HIP1: variants seen among roughly 807,000 people sequenced by gnomAD.
HIP1 encodes huntingtin-interacting protein 1.
HIP1 carries 65 observed loss-of-function variants against 147.6 expected under a neutral mutation model. That is an observed-to-expected ratio of 0.44 (90% CI 0.36 to 0.54). The LOEUF is 0.54. HIP1 is among the 20% of genes least tolerant of loss of function. The pLI, the probability that HIP1 is intolerant of heterozygous loss-of-function variation, is 0.00. For missense variants in HIP1, 1,061 were observed against 1,299.6 expected (o/e 0.82, Z 2.82); for synonymous variants, 479 against 504.0 (o/e 0.95, Z 0.67).
At chr7:75,594,531 T>A (rs1238056229) in intron 2 of HIP1, among the ~76,000 whole-genome samples, 1 of 152,098 alleles carries the variant, frequency 6.6e-6, no homozygotes, top group Admixed American at 6.6e-5. Context: ...ATCACAGGAC[T>A]CTGGGAGGCC....
At chr7:75,691,529 T>A (rs1800452473) in intron 1 of HIP1, among the ~76,000 whole-genome samples, 2 of 151,330 alleles carry the variant, frequency 1.3e-5, no homozygotes, top group South Asian at 2.1e-4. Context: ...CCGGGCGCGG[T>A]GGCTCATGCC....
At chr7:75,619,226 A>G (rs1264802960) in intron 1 of HIP1, among the ~76,000 whole-genome samples, 1 of 152,136 alleles carries the variant, frequency 6.6e-6, no homozygotes, top group East Asian at 1.9e-4. Flanking sequence ...AAATTCAGCT[A>G]AAAGTAAAAA....
intron 1 of HIP1, among the ~76,000 whole-genome samples, chr7:75,621,683 C>T (rs1741263771): frequency 6.6e-6 from 1 of 152,152 alleles, no homozygotes; most frequent in Non-Finnish European, 1.5e-5. Context: ...CTGCTGCCTT[C>T]AATCAGGACA....
At position 75,592,525 on chromosome 7, in the gene HIP1, G is replaced by C. The variant is rs782602232; in HGVS notation, c.185-11C>G. ...TGCCCAGTATGCACGGTGAGGGGGG[G>C]TTATGGAAAACAACGGATGGGCTCT... On this transcript the variant is annotated splice_polypyrimidine_tract_variant and intron_variant, in intron 2 of 30. Coordinates refer to ENST00000336926, the MANE Select transcript of HIP1 (RefSeq NM_005338.7). 3 of 1,607,392 alleles carry C rather than the reference G, an allele frequency of 1.9e-6. No individual in the cohort carries two copies. The highest frequency in any genetic ancestry group is 2.5e-6 in the Non-Finnish European group (3 of 1,178,536).
intron 27 of HIP1, among the ~76,000 whole-genome samples, chr7:75,544,412 C>A (rs1325021361): frequency 0.02 from 606 of 30,238 alleles, 3 homozygotes; most frequent in African/African-American, 0.092. Flanking sequence ...GCCAAGTACT[C>A]TCTAACCTAG....
chr7:75,637,588 AAAG>A (rs1474647266), intron 1 of HIP1, among the ~76,000 whole-genome samples: 1 of 133,048 alleles, frequency 7.5e-6, no homozygotes, highest in Non-Finnish European at 1.6e-5. Flanking sequence ...ATACATGCCC[AAAG>A]AAAGCGAGAT....
rs530236811 is a variant in HIP1 at position 75,732,299 on chromosome 7, G to A, written c.120+6502C>T. ...TCTAGGATCTAAGGCTCTTCTCAAC[G>A]CAGGATGCATTAAGATCCTTTGCTC... On this transcript the variant is annotated intron_variant, in intron 1 of 30. Coordinates refer to ENST00000336926, the MANE Select transcript of HIP1 (RefSeq NM_005338.7). Among the ~76,000 whole-genome samples, 117 of 152,170 alleles carry A rather than the reference G, an allele frequency of 7.7e-4. 1 individual carries two copies. The highest frequency in any genetic ancestry group is 2.7e-3 in the African/African-American group (111 of 41,538).
intron 1 of HIP1, among the ~76,000 whole-genome samples, chr7:75,671,898 C>T (rs1409989972): frequency 6.6e-6 from 1 of 152,104 alleles, no homozygotes; most frequent in Non-Finnish European, 1.5e-5. Flanking sequence ...CCATGCCTGG[C>T]TAATTTTTGA....
Position 75,610,297 on chromosome 7 carries a change from C to T in HIP1, c.121-11050G>A, listed in dbSNP as rs587661901. Among the ~76,000 whole-genome samples, 9 of 150,750 alleles carry T rather than the reference C, an allele frequency of 6.0e-5. No homozygotes were observed. In the South Asian group the frequency reaches 1.5e-3, roughly 25 times the overall value. On this transcript the variant is annotated intron_variant, in intron 1 of 30. Coordinates refer to ENST00000336926, the MANE Select transcript of HIP1 (RefSeq NM_005338.7). ...GATTATAGCTCACTGCAGCCTTGAA[C>T]GCCTGTGCTCAAGTGATCCTCCAGC...
chr7:75,714,983 G>A (rs1801272076), intron 1 of HIP1, among the ~76,000 whole-genome samples: 1 of 152,136 alleles, frequency 6.6e-6, no homozygotes, highest in Non-Finnish European at 1.5e-5. Context: ...GCTCTTTCAT[G>A]ACCTTCACAC....
chr7:75,621,734 G>A (rs975593496), intron 1 of HIP1, among the ~76,000 whole-genome samples: 22 of 152,118 alleles, frequency 1.4e-4, no homozygotes, highest in Admixed American at 2.0e-4. Flanking sequence ...AGACGTGGTC[G>A]GTCTCTGAAT....
At chr7:75,562,453 T>A (rs1368924783) in intron 11 of HIP1, among the ~76,000 whole-genome samples, 1 of 152,148 alleles carries the variant, frequency 6.6e-6, no homozygotes, top group Admixed American at 6.6e-5. Context: ...CATACCTGGA[T>A]AATTTTTTTA....
Position 75,555,400 on chromosome 7 carries a change from G to A in HIP1, c.1963+16C>T. 3 of 1,612,998 alleles carry A rather than the reference G, an allele frequency of 1.9e-6. No homozygotes were observed. Among genetic ancestry groups the A allele is most frequent in the Non-Finnish European group, 2.5e-6 (3 of 1,179,964 alleles). On this transcript the variant is annotated intron_variant, in intron 19 of 30. Coordinates refer to ENST00000336926, the MANE Select transcript of HIP1 (RefSeq NM_005338.7). Reference sequence around the variant, plus strand: ...TAAGGACCTGGCCCCTGCCAGCTGGGCAATTGCAAGTGTACCTGCAGACCC... The same window carrying A: ...TAAGGACCTGGCCCCTGCCAGCTGGACAATTGCAAGTGTACCTGCAGACCC...
chr7:75,716,818 T>C lies in HIP1; in HGVS notation c.120+21983A>G, dbSNP rs186385692. 6.7e-3 allele frequency among the ~76,000 whole-genome samples: 923 copies of C among 136,994 alleles called. 28 individuals carry two copies. Among genetic ancestry groups the C allele is most frequent in the Admixed American group, 0.06 (837 of 13,982 alleles). 89.9% of individuals were successfully genotyped at this position (136,994 alleles called of 152,430 possible). A position where few individuals can be genotyped will look rare whatever the true frequency, so the allele number is the denominator to read the frequency against. On this transcript the variant is annotated intron_variant, in intron 1 of 30. Coordinates refer to ENST00000336926, the MANE Select transcript of HIP1 (RefSeq NM_005338.7). Reference sequence around the variant, plus strand: ...ACAGGCATAAACCACCACGCCCAGCTTTTTTTTAGGGGGGGGGAAAGGATC... The same window carrying C: ...ACAGGCATAAACCACCACGCCCAGCCTTTTTTTAGGGGGGGGGAAAGGATC...
intron 22 of HIP1, 50 bp from the exon 23 acceptor site, chr7:75,549,051 TCTC>T: frequency 7.7e-7 from 1 of 1,291,264 alleles, no homozygotes; most frequent in South Asian, 1.2e-5. Flanking sequence ...TCCTGTCTCT[TCTC>T]CTCTGCCATC....
rs1269084758 is a variant in HIP1, at chr7:75,544,748, C to A, written c.2713G>T (p.Val905Leu). Residue 905 changes from valine to leucine, a missense_variant, in exon 27 of 31, where the codon GTG becomes TTG. This residue lies in a region of HIP1 where 810 missense variants were observed against 946.8 expected (regional missense o/e 0.86). Coordinates refer to ENST00000336926, the MANE Select transcript of HIP1 (RefSeq NM_005338.7). ...QGRGKFEELM[V>L]CSHEIAASTA... is the part of the protein sequence containing the mutation. ...CTAGCAGCAATTTCATGAGAACACA[C>A]CATTAGCTCCTCAAATTTCCCTCTG... 1 of 1,613,856 alleles carries A rather than the reference C, an allele frequency of 6.2e-7. No homozygotes were observed. Among genetic ancestry groups the A allele is most frequent in the Non-Finnish European group, 8.5e-7 (1 of 1,179,820 alleles).
chr7:75,629,507 G>T (rs1248263584), intron 1 of HIP1, among the ~76,000 whole-genome samples: 1 of 151,364 alleles, frequency 6.6e-6, no homozygotes, highest in Non-Finnish European at 1.5e-5. Flanking sequence ...CACCCATTGT[G>T]CATCCTGTAT....
intron 1 of HIP1, among the ~76,000 whole-genome samples, chr7:75,601,505 A>AG (rs1796971666): frequency 6.6e-6 from 1 of 152,028 alleles, no homozygotes; most frequent in Admixed American, 6.6e-5. Context: ...CTGAGGCAGG[A>AG]GAATTGCTTG....
rs61299057 is a variant in HIP1 at position 75,577,332 on chromosome 7, C to CAAAAAAAAAAAAAA, written c.605-3432_605-3431insTTTTTTTTTTTTTT. Among the ~76,000 whole-genome samples the CAAAAAAAAAAAAAA allele has an allele frequency of 2.6e-4, 25 of 96,850 alleles. 1 individual carries two copies. Among genetic ancestry groups the CAAAAAAAAAAAAAA allele is most frequent in the African/African-American group, 6.4e-4 (17 of 26,770 alleles). The allele number at this position is 96,850 out of a possible 152,430, so 63.5% of individuals were successfully genotyped here. On this transcript the variant is annotated intron_variant, in intron 7 of 30. Coordinates refer to ENST00000336926, the MANE Select transcript of HIP1 (RefSeq NM_005338.7). ...CGGCGACAGAGTGAGATCCCATCTC[C>CAAAAAAAAAAAAAA]AAAAAAAAAAAAACGAGAGAGAGAG...
Sources: gnomAD v4.1 joint callset for allele counts (sites outside exome capture counted in the v4.1 genomes callset) on GRCh38, gnomAD v4.1.1 for gene constraint, gnomAD v4.1.1 regional missense constraint, MANE v1.5 for transcripts, NCBI Gene and HGNC (gene_info 2026-07-23, HGNC 2026-07-21) for gene names.